ADARB2: variants seen among roughly 807,000 people sequenced by gnomAD.
ADARB2 encodes inactive double-stranded RNA-specific editase B2.
In ADARB2, 25 loss-of-function variants were observed where a neutral mutation model predicts 62.2. That is an observed-to-expected ratio of 0.40 (90% CI 0.29 to 0.56). The LOEUF is 0.56. Among genes scored for constraint, ADARB2 ranks in the 20% least tolerant of loss-of-function variants. ADARB2 has a pLI of 0.43. For synonymous variants in ADARB2, 572 were observed against 500.8 expected (o/e 1.14, Z -1.90); for missense variants, 1,071 against 1,077.4 (o/e 0.99, Z 0.08).
chr10:1,736,763 G>A (rs966905380), intron 1 of ADARB2, among the ~76,000 whole-genome samples: 3 of 152,210 alleles, frequency 2.0e-5, no homozygotes, highest in Admixed American at 6.5e-5. Context: ...TGCGGGGCCC[G>A]GAGACGCGCG....
intron 1 of ADARB2, among the ~76,000 whole-genome samples, chr10:1,597,053 C>A (rs569850497): frequency 6.6e-6 from 1 of 152,200 alleles, no homozygotes; most frequent in African/African-American, 2.4e-5. Context: ...AACTACCGAC[C>A]ACAGTATTAA....
At chr10:1,650,868 G>A (rs182583475) in intron 1 of ADARB2, among the ~76,000 whole-genome samples, 1 of 152,192 alleles carries the variant, frequency 6.6e-6, no homozygotes, top group African/African-American at 2.4e-5. Context: ...ATGTAGCACG[G>A]TCACCAAAAC....
At chr10:1,521,972 A>C (rs1832079679) in intron 1 of ADARB2, among the ~76,000 whole-genome samples, 1 of 152,178 alleles carries the variant, frequency 6.6e-6, no homozygotes, top group African/African-American at 2.4e-5. Flanking sequence ...CGGGTCACCC[A>C]TATTTGGCTC....
chr10:1,572,695 T>C (rs899249240), intron 1 of ADARB2, among the ~76,000 whole-genome samples: 24 of 152,218 alleles, frequency 1.6e-4, no homozygotes, highest in African/African-American at 5.5e-4. Context: ...AAAGCTTTGT[T>C]AAGAGAGAGG....
intron 1 of ADARB2, among the ~76,000 whole-genome samples, chr10:1,720,975 C>G (rs1187139330): frequency 1.3e-5 from 2 of 152,170 alleles, no homozygotes; most frequent in African/African-American, 4.8e-5. Flanking sequence ...GTGCATCTTC[C>G]CACTGCTCGG....
At chr10:1,367,266 G>C (rs530050869) in intron 2 of ADARB2, among the ~76,000 whole-genome samples, 158 of 152,334 alleles carry the variant, frequency 1.0e-3, no homozygotes, top group South Asian at 2.3e-3. Flanking sequence ...CCTGCCGAAG[G>C]CTCTGGGCTC....
chr10:1,670,800 C>T (rs983415284), intron 1 of ADARB2, among the ~76,000 whole-genome samples: 3 of 152,130 alleles, frequency 2.0e-5, no homozygotes, highest in Non-Finnish European at 4.4e-5. Context: ...TCAACGCGGC[C>T]CTGCCTGGTT....
At chr10:1,417,305 G>A (rs1354953156) in intron 1 of ADARB2, among the ~76,000 whole-genome samples, 1 of 152,008 alleles carries the variant, frequency 6.6e-6, no homozygotes, top group African/African-American at 2.4e-5. Flanking sequence ...AGAACAGACA[G>A]TCAGAAAGTA....
intron 1 of ADARB2, among the ~76,000 whole-genome samples, chr10:1,537,146 G>A (rs1318405535): frequency 6.6e-6 from 1 of 152,096 alleles, no homozygotes; most frequent in African/African-American, 2.4e-5. Context: ...TCAAAAAGTC[G>A]GCCAAGGATA....
chr10:1,502,668 C>T (rs931132953), intron 1 of ADARB2, among the ~76,000 whole-genome samples: 2 of 152,242 alleles, frequency 1.3e-5, no homozygotes, highest in African/African-American at 4.8e-5. Context: ...GTGGGTGTCA[C>T]TCGGGTGCAT....
chr10:1,465,480 G>A (rs995777309), intron 1 of ADARB2, among the ~76,000 whole-genome samples: 2 of 152,292 alleles, frequency 1.3e-5, no homozygotes, highest in East Asian at 1.9e-4. Flanking sequence ...AGGGGGTCGG[G>A]GACGTCACTG....
intron 1 of ADARB2, among the ~76,000 whole-genome samples, chr10:1,410,971 T>G (rs1241713627): frequency 6.6e-6 from 1 of 152,188 alleles, no homozygotes; most frequent in Non-Finnish European, 1.5e-5. Context: ...GAGTCTCAGA[T>G]CCCGGACTTT....
intron 3 of ADARB2, among the ~76,000 whole-genome samples, chr10:1,362,218 A>G (rs2805574): frequency 0.036 from 5,558 of 152,358 alleles, 314 homozygotes; most frequent in African/African-American, 0.12. Context: ...CGAGTAACCA[A>G]TGGAAATCTC....
rs114024593 is a variant in ADARB2 at position 1,370,245 on chromosome 10, T to G, written c.188-6328A>C. Among the ~76,000 whole-genome samples, 1,438 of 143,978 alleles carry G rather than the reference T, an allele frequency of 1.0e-2. 28 individuals are homozygous for G. Among genetic ancestry groups the G allele is most frequent in the African/African-American group, 0.033 (1,345 of 40,612 alleles). 94.5% of individuals were successfully genotyped at this position (143,978 alleles called of 152,430 possible). On this transcript the variant is annotated intron_variant, in intron 2 of 9. Coordinates refer to ENST00000381312, the MANE Select transcript of ADARB2 (RefSeq NM_018702.4). ...GATGTATAAAAGGCATTTGATAAAA[T>G]CCAACATCCCTTCATGATAAAAACT... is the stretch of plus-strand genomic sequence containing the variant.
chr10:1,383,450 G>A (rs893873567), intron 1 of ADARB2, among the ~76,000 whole-genome samples: 21 of 150,756 alleles, frequency 1.4e-4, no homozygotes, highest in Middle Eastern at 3.4e-3. Context: ...AAAAAAAAGC[G>A]ATGGCTTATT....
At chr10:1,516,399 C>T (rs1375502951) in intron 1 of ADARB2, among the ~76,000 whole-genome samples, 1 of 152,208 alleles carries the variant, frequency 6.6e-6, no homozygotes, top group Non-Finnish European at 1.5e-5. Flanking sequence ...AGCTTCCCAC[C>T]TGCTTGTGAC....
At chr10:1,187,127 C>T (rs1436144071) in intron 8 of ADARB2, among the ~76,000 whole-genome samples, 2 of 152,354 alleles carry the variant, frequency 1.3e-5, no homozygotes, top group East Asian at 1.9e-4. Flanking sequence ...AAGCGAATCC[C>T]GTTCATGTCA....
intron 1 of ADARB2, among the ~76,000 whole-genome samples, chr10:1,576,566 C>A (rs868343073): frequency 6.6e-6 from 1 of 152,146 alleles, no homozygotes; most frequent in East Asian, 1.9e-4. Flanking sequence ...CAGGGATAAG[C>A]AGTGCTAGGT....
intron 4 of ADARB2, among the ~76,000 whole-genome samples, chr10:1,266,361 C>T (rs1333777411): frequency 1.3e-5 from 2 of 152,222 alleles, no homozygotes; most frequent in Admixed American, 6.5e-5. Flanking sequence ...GGTAGTTGGC[C>T]AAGCATCCTG....
Sources: gnomAD v4.1 joint callset for allele counts (sites outside exome capture counted in the v4.1 genomes callset) on GRCh38, gnomAD v4.1.1 for gene constraint, MANE v1.5 for transcripts, NCBI Gene and HGNC (gene_info 2026-07-23, HGNC 2026-07-21) for gene names.